Variants in RNF31 observed in about 807,000 individuals in gnomAD.
RNF31 encodes E3 ubiquitin-protein ligase RNF31.
RNF31 carries 38 observed loss-of-function variants against 133.6 expected under a neutral mutation model. The observed-to-expected ratio is 0.28, with a 90% CI of 0.22 to 0.37. The LOEUF (loss-of-function observed/expected upper bound fraction) is 0.37. Ranked by LOEUF, RNF31 falls within the 10% of genes least tolerant of loss-of-function variation. The probability of loss-of-function intolerance (pLI) is 1.00; values close to 1 mark genes in which losing one functional copy is unlikely to be tolerated. For synonymous variants in RNF31, 582 were observed against 552.3 expected, an observed-to-expected ratio of 1.05 and a Z score of -0.75; for missense variants, 1,118 against 1,394.1, an observed-to-expected ratio of 0.80 and a Z score of 3.15.
Position 24,159,855 on chromosome 14 carries a change from C to A in RNF31, c.2900-9C>A. The A allele has an allele frequency of 6.2e-7, 1 of 1,611,992 alleles. No homozygotes were observed. The highest frequency in any genetic ancestry group is 8.5e-7 in the Non-Finnish European group (1 of 1,178,250). On this transcript the variant is annotated splice_polypyrimidine_tract_variant and intron_variant, in intron 18 of 20. Transcript: ENST00000324103. The stretch of plus-strand genomic sequence containing the variant: ...CCCAACAGAGGCTCCCTTCTTCCCT[C>A]ACCTTTAGGCGGCTGCCGAGTGATA...
Position 24,155,144 on chromosome 14 carries a change from C to T in RNF31, c.2131-13C>T, listed in dbSNP as rs2038323298. The T allele has an allele frequency of 1.9e-6, 3 of 1,611,842 alleles. No individual in the cohort carries two copies. The highest frequency in any genetic ancestry group is 1.3e-5 in the African/African-American group (1 of 74,848). ...GCTTCTGACCCCCTCCCCTCCAACC[C>T]CTCACCCTCCAGATGCAGGCCCTGA... On this transcript the variant is annotated splice_polypyrimidine_tract_variant and intron_variant, in intron 11 of 20. Coordinates refer to ENST00000324103, the MANE Select transcript of RNF31 (RefSeq NM_017999.5). This position sits in a 1 kb window ranked among gnomAD's most constrained non-coding sequence, Gnocchi z 4.9.
chr14:24,158,976 T>C (rs1176626934), intron 18 of RNF31, among the ~76,000 whole-genome samples: 1 of 129,372 alleles, frequency 7.7e-6, no homozygotes, highest in Non-Finnish European at 1.5e-5. Context: ...GAGCTTGCAG[T>C]GAGCAGAGAT....
Position 24,148,848 on chromosome 14 carries a change from T to C in RNF31, c.603T>C (p.Pro201=), listed in dbSNP as rs766055722. The C allele has an allele frequency of 6.2e-7, 1 of 1,614,236 alleles. No homozygotes were observed. The highest frequency in any genetic ancestry group is 8.5e-7 in the Non-Finnish European group (1 of 1,180,028). Residue 201 remains proline (P), a synonymous_variant, in exon 5 of 21, where the codon CCT becomes CCC. Coordinates refer to ENST00000324103, the MANE Select transcript of RNF31 (RefSeq NM_017999.5). The stretch of plus-strand genomic sequence containing the variant: ...ACCCCCTATTGAGAGAGATTGCTCC[T>C]GGCCCCCTCACCACACCCTCTGTCC... ...EFDPLLREIA[P]GPLTTPSVPG...
chr14:24,158,146 A>G lies in RNF31; in HGVS notation c.2846A>G (p.Asn949Ser), dbSNP rs766565788. 35 of 1,614,136 alleles carry G rather than the reference A, an allele frequency of 2.2e-5. No homozygotes were observed. The highest frequency in any genetic ancestry group is 3.3e-5 in the South Asian group (3 of 91,092). Residue 949 changes from asparagine (N) to serine (S), a missense_variant, in exon 18 of 21, where the codon AAT (asparagine) becomes AGT (serine). Transcript: ENST00000324103. The stretch of plus-strand genomic sequence containing the variant: ...CCATCTGTCTCTCCTCCTCAGGACA[A>G]TAACGTCATGTTTAATACAGAGCCT... ...ALRLQKLLQD[N>S]NVMFNTEPPA... is the part of the protein sequence containing the mutation.
Position 24,150,698 on chromosome 14 carries a change from A to G in RNF31, c.1298A>G (p.Asn433Ser), listed in dbSNP as rs762506465. 3 of 1,614,118 alleles carry G rather than the reference A, an allele frequency of 1.9e-6. No individual in the cohort carries two copies. The highest frequency in any genetic ancestry group is 1.1e-5 in the South Asian group (1 of 91,080). ...SSPGWVCVMC[N>S]RTSSPIPAQH... ...CCTGGCTGGGTGTGTGTTATGTGCA[A>G]CCGGACTAGTAGCCCCATTCCAGCA... The change falls in exon 8 of 21, where the codon AAC becomes AGC. Residue 433 changes from asparagine (N) to serine (S), a missense_variant. Asn to Ser is a conservative substitution (Grantham distance 46). Transcript: ENST00000324103.
chr14:24,148,429 A>G lies in RNF31; in HGVS notation c.495+16A>G, dbSNP rs764487966. 5 of 1,613,854 alleles carry G rather than the reference A, an allele frequency of 3.1e-6. No homozygotes were observed. The Admixed American group carries it at 6.7e-5, about 22-fold the overall frequency. On this transcript the variant is annotated intron_variant, in intron 3 of 20. Coordinates refer to ENST00000324103, the MANE Select transcript of RNF31 (RefSeq NM_017999.5). ...GCTATTGCAGGTGAGATGCTCCTCT[A>G]GTCTTGATGGACTTATGCACCAGGG...
chr14:24,159,844 CCTT>C lies in RNF31; in HGVS notation c.2900-15_2900-13del. On this transcript the variant is annotated splice_polypyrimidine_tract_variant and intron_variant, in intron 18 of 20. Coordinates refer to ENST00000324103, the MANE Select transcript of RNF31 (RefSeq NM_017999.5). ...GTCATTGGCCTCCCAACAGAGGCTC[CCTT>C]CTTCCCTCACCTTTAGGCGGCTGCC... 6.2e-7 allele frequency: 1 copy of C among 1,604,044 alleles called. No homozygotes were observed. Among genetic ancestry groups the C allele is most frequent in the Non-Finnish European group, 8.5e-7 (1 of 1,171,458 alleles).
Position 24,151,415 on chromosome 14 carries a change from G to A in RNF31, c.1737+36G>A, listed in dbSNP as rs1256708429. 1 of 1,613,456 alleles carries A rather than the reference G, an allele frequency of 6.2e-7. No individual in the cohort carries two copies. Among genetic ancestry groups the A allele is most frequent in the Non-Finnish European group, 8.5e-7 (1 of 1,179,408 alleles). On this transcript the variant is annotated intron_variant, in intron 9 of 20. Transcript: ENST00000324103. This position sits in a 1 kb window ranked among gnomAD's most constrained non-coding sequence, Gnocchi z 5.3. The stretch of plus-strand genomic sequence containing the variant: ...TGCTGGATATGGGATAGGGTCGAGA[G>A]TCTGCATCTCTCACACTCTCCCTTG...
chr14:24,159,352 C>CAAA (rs777764741), intron 18 of RNF31, among the ~76,000 whole-genome samples: 21 of 54,328 alleles, frequency 3.9e-4, no homozygotes, highest in African/African-American at 1.3e-3. Context: ...AACTCCATCT[C>CAAA]AAAAAAAAAA....
chr14:24,147,541 G>T lies in RNF31; in HGVS notation c.-158G>T, dbSNP rs1407527016. 1.8e-6 allele frequency: 1 copy of T among 554,908 alleles called. No individual in the cohort carries two copies. The allele number at this position is 554,908 out of a possible 1,614,324, so 34.4% of individuals were successfully genotyped here. On this transcript the variant is annotated 5_prime_UTR_variant, in exon 1 of 21. Coordinates refer to ENST00000324103, the MANE Select transcript of RNF31 (RefSeq NM_017999.5). ...GGCTAACCCTGGCGCTGGGCCGGGGGCTGGAGAGTGACCGTGGTCTGAGTG... is the reference window on the plus strand; with the variant it reads ...GGCTAACCCTGGCGCTGGGCCGGGGTCTGGAGAGTGACCGTGGTCTGAGTG...
Position 24,150,141 on chromosome 14 carries a change from C to G in RNF31, c.890C>G (p.Pro297Arg). ...LGDSSLSSPN[P>R]ASAHLPWHCA... ...GACAGCTCTCTTTCTTCCCCTAATC[C>G]TGCAAGTGCTCATTTGCCCTGGCAC... The change falls in exon 7 of 21, where the codon CCT becomes CGT. Residue 297 changes from proline (P) to arginine (R), a missense_variant. Pro to Arg is a moderately radical substitution (Grantham distance 103, BLOSUM62 -2). Around this residue, in one of 3 missense-constraint regions of RNF31, gnomAD observed 747 missense variants for 827.9 expected, o/e 0.90. Transcript: ENST00000324103. The G allele has an allele frequency of 6.2e-7, 1 of 1,612,844 alleles. No homozygotes were observed. The highest frequency in any genetic ancestry group is 8.5e-7 in the Non-Finnish European group (1 of 1,178,934).
Position 24,156,810 on chromosome 14 carries a change from C to T in RNF31, c.2494-480C>T, listed in dbSNP as rs566303404. On this transcript the variant is annotated intron_variant, in intron 14 of 20. Transcript: ENST00000324103. ...AAAAAAAGAAGTGTAATATTTGATA[C>T]GAAAAAAATTTCATCTGCATCATGT... Among the ~76,000 whole-genome samples, 11 of 151,746 alleles carry T rather than the reference C, an allele frequency of 7.2e-5. No individual in the cohort carries two copies. The South Asian group carries it at 1.2e-3, about 17-fold the overall frequency.
rs906479387 is a variant in RNF31, at chr14:24,158,214, A to G, written c.2899+15A>G. 1 of 1,613,300 alleles carries G rather than the reference A, an allele frequency of 6.2e-7. No individual in the cohort carries two copies. The highest frequency in any genetic ancestry group is 1.3e-5 in the African/African-American group (1 of 75,044). ...AGTCCCTGGAGGTGAGTGTTAGGAC[A>G]AGCCTTTGAGAAGAGGAGATGGTGT... On this transcript the variant is annotated intron_variant, in intron 18 of 20. Transcript: ENST00000324103.
In RNF31 at chr14:24,151,673, G is replaced by T. The variant is rs1352236551; in HGVS notation, c.1923+3G>T. On this transcript the variant is annotated splice_donor_region_variant and intron_variant, in intron 10 of 20. Coordinates refer to ENST00000324103, the MANE Select transcript of RNF31 (RefSeq NM_017999.5). This position sits in a 1 kb window ranked among gnomAD's most constrained non-coding sequence, Gnocchi z 5.3. ...CCTGGGATGGGCCAGACAAGCAGGT[G>T]CTGGGAGGAGGCAAGAAGCCCAAGG... 2 of 1,609,996 alleles carry T rather than the reference G, an allele frequency of 1.2e-6. No individual in the cohort carries two copies. Among genetic ancestry groups the T allele is most frequent in the Non-Finnish European group, 1.7e-6 (2 of 1,179,832 alleles).
Position 24,150,633 on chromosome 14 carries a change from A to C in RNF31, c.1233A>C (p.Gln411His). ...CTTTGCTGGCCTCTGCCCAGAGTCA[A>C]GTCTGGTACTGTATTCACTGTACCT... ...GDALLASAQS[Q>H]VWYCIHCTFC... Residue 411 changes from glutamine to histidine, a missense_variant, in exon 8 of 21, where the codon CAA becomes CAC. This residue lies in a region of RNF31 where 747 missense variants were observed against 827.9 expected (regional missense o/e 0.90). Coordinates refer to ENST00000324103, the MANE Select transcript of RNF31 (RefSeq NM_017999.5). 1 of 1,613,970 alleles carries C rather than the reference A, an allele frequency of 6.2e-7. No homozygotes were observed. Among genetic ancestry groups the C allele is most frequent in the Non-Finnish European group, 8.5e-7 (1 of 1,179,856 alleles).
intron 11 of RNF31, among the ~76,000 whole-genome samples, chr14:24,153,065 C>A (rs1566614745): frequency 6.7e-6 from 1 of 148,276 alleles, no homozygotes; most frequent in African/African-American, 2.5e-5. Context: ...TGGGCAACAG[C>A]GCAAGACTCC....
Position 24,160,329 on chromosome 14 carries a change from C to T in RNF31, c.3087C>T (p.Ala1029=). 6.2e-7 allele frequency: 1 copy of T among 1,614,164 alleles called. No homozygotes were observed. Among genetic ancestry groups the T allele is most frequent in the Non-Finnish European group, 8.5e-7 (1 of 1,180,014 alleles). ...TLYEVEELET[A]TERYLHVRPQ... ...ATGAGGTGGAAGAGCTGGAGACGGCCACTGAGCGCTACCTGCACGTACGCC... is the reference window on the plus strand; with the variant it reads ...ATGAGGTGGAAGAGCTGGAGACGGCTACTGAGCGCTACCTGCACGTACGCC... The change falls in exon 20 of 21, where the codon GCC becomes GCT. Residue 1029 remains alanine, a synonymous_variant. Coordinates refer to ENST00000324103, the MANE Select transcript of RNF31 (RefSeq NM_017999.5). This position sits in a 1 kb window ranked among gnomAD's most constrained non-coding sequence, Gnocchi z 4.0.
intron 18 of RNF31, among the ~76,000 whole-genome samples, chr14:24,158,935 A>G (rs912479829): frequency 6.8e-6 from 1 of 147,492 alleles, no homozygotes; most frequent in African/African-American, 2.5e-5. Flanking sequence ...CGGGAGGCTG[A>G]GGCAGGAGAA....
intron 11 of RNF31, among the ~76,000 whole-genome samples, chr14:24,153,390 G>A (rs1335790782): frequency 2.6e-5 from 4 of 151,938 alleles, no homozygotes; most frequent in Non-Finnish European, 2.9e-5. Context: ...CATCCTGGTC[G>A]ACATGGTGAA....
Sources: gnomAD v4.1 joint callset for allele counts (sites outside exome capture counted in the v4.1 genomes callset) on GRCh38, gnomAD v4.1.1 for gene constraint, gnomAD v4.1.1 regional missense constraint, Gnocchi (gnomAD v3.1) non-coding constraint, MANE v1.5 for transcripts, NCBI Gene and HGNC (gene_info 2026-07-23, HGNC 2026-07-21) for gene names.